The following BCKDHB variants were observed in gnomAD, a reference collection of about 807,000 sequenced individuals.
BCKDHB encodes branched chain keto acid dehydrogenase E1 subunit beta, also known as 2-oxoisovalerate dehydrogenase subunit beta, mitochondrial.
Under a neutral mutation model 48.5 loss-of-function variants are expected in BCKDHB, and 41 were observed. The observed-to-expected ratio is 0.85, with a 90% CI of 0.66 to 1.10. The LOEUF (loss-of-function observed/expected upper bound fraction) is 1.10, where lower values mean the gene tolerates loss of function less well. Among genes scored for constraint, BCKDHB ranks in the 50% least tolerant of loss-of-function variants. The pLI, the probability that BCKDHB is intolerant of heterozygous loss-of-function variation, is 0.00. For missense variants in BCKDHB, 496 were observed against 494.2 expected (o/e 1.00, Z -0.03); for synonymous variants, 201 against 174.8 (o/e 1.15, Z -1.18).
chr6:80,267,409 G>A (rs944776497), intron 8 of BCKDHB, among the ~76,000 whole-genome samples: 13 of 152,088 alleles, frequency 8.5e-5, no homozygotes, highest in Non-Finnish European at 1.3e-4. Context: ...ACAAGAAAAA[G>A]GAGGAAAGGT....
chr6:80,330,110 T>TA (rs59548870), intron 9 of BCKDHB, among the ~76,000 whole-genome samples: 11,147 of 148,602 alleles, frequency 0.075, 425 homozygotes, highest in East Asian at 0.11. Flanking sequence ...GGTGATCTTA[T>TA]AAAAAAAAAA....
intron 9 of BCKDHB, among the ~76,000 whole-genome samples, chr6:80,297,068 C>G (rs182293662): frequency 5.3e-4 from 81 of 152,180 alleles, no homozygotes; most frequent in Middle Eastern, 3.4e-3. Flanking sequence ...GGTGTGGAGT[C>G]TAGGACAATG....
intron 3 of BCKDHB, among the ~76,000 whole-genome samples, chr6:80,141,206 T>A (rs548507550): frequency 4.6e-5 from 7 of 152,148 alleles, no homozygotes; most frequent in Non-Finnish European, 1.0e-4. Flanking sequence ...TCTTCTTTAT[T>A]AGTCTTGCTA....
the BCKDHB span, among the ~76,000 whole-genome samples, chr6:80,388,228 T>A: frequency 6.6e-6 from 1 of 152,156 alleles, no homozygotes; most frequent in Non-Finnish European, 1.5e-5. Context: ...CAGGCTGCTG[T>A]GAAAGCTTCT....
the BCKDHB span, among the ~76,000 whole-genome samples, chr6:80,411,913 C>T: frequency 1.3e-5 from 2 of 152,308 alleles, no homozygotes; most frequent in East Asian, 3.9e-4. Flanking sequence ...TTCAACTTCC[C>T]GGGTGAGGTG....
Position 80,187,096 on chromosome 6 carries a change from C to G in BCKDHB, c.743-13838C>G, listed in dbSNP as rs137903896. Among the ~76,000 whole-genome samples, 261 of 152,296 alleles carry G rather than the reference C, an allele frequency of 1.7e-3. 1 individual carries two copies. Among genetic ancestry groups the G allele is most frequent in the African/African-American group, 6.0e-3 (251 of 41,580 alleles). On this transcript the variant is annotated intron_variant, in intron 6 of 9. Transcript: ENST00000320393. ...ACAGTGTGAGTCTCCACACACTGTT[C>G]TGTCTGTCCAAATGGGAGCTACATG... is the stretch of plus-strand genomic sequence containing the variant.
intron 9 of BCKDHB, among the ~76,000 whole-genome samples, chr6:80,279,301 C>G (rs1312042682): frequency 6.6e-6 from 1 of 151,940 alleles, no homozygotes; most frequent in Non-Finnish European, 1.5e-5. Flanking sequence ...TTACAGGTAC[C>G]TGCTGCCACG....
At chr6:80,257,783 G>A (rs1233794878) in intron 8 of BCKDHB, among the ~76,000 whole-genome samples, 2 of 152,200 alleles carry the variant, frequency 1.3e-5, no homozygotes, top group East Asian at 3.9e-4. Flanking sequence ...AAGGGCTGGA[G>A]CCTAGAGTTG....
At chr6:80,127,262 A>G (rs747532777) in intron 1 of BCKDHB, 2 of 367,184 alleles carry the variant, frequency 5.4e-6, no homozygotes, top group Non-Finnish European at 1.0e-5. Flanking sequence ...GACTTTCCAT[A>G]GGTCTTATTG....
intron 6 of BCKDHB, among the ~76,000 whole-genome samples, chr6:80,188,596 C>T (rs1161394471): frequency 1.3e-5 from 2 of 151,976 alleles, no homozygotes; most frequent in Admixed American, 1.3e-4. Flanking sequence ...GCCGAGATTG[C>T]ACCACTGCAC....
the BCKDHB span, among the ~76,000 whole-genome samples, chr6:80,381,145 A>G: frequency 3.8e-3 from 575 of 151,984 alleles, 7 homozygotes; most frequent in African/African-American, 0.013. Context: ...CCTTATTTGT[A>G]TGGCCTGTTT....
chr6:80,372,613 T>C, the BCKDHB span, among the ~76,000 whole-genome samples: 1 of 152,028 alleles, frequency 6.6e-6, no homozygotes, highest in Admixed American at 6.6e-5. Flanking sequence ...ATTTCCTCAA[T>C]GTGTGTCCCT....
chr6:80,170,706 C>T (rs950397384), intron 5 of BCKDHB, among the ~76,000 whole-genome samples: 2 of 152,080 alleles, frequency 1.3e-5, no homozygotes, highest in Admixed American at 6.6e-5. Context: ...GTCCTGGAGC[C>T]CTTTCCTGTG....
intron 9 of BCKDHB, among the ~76,000 whole-genome samples, chr6:80,319,962 T>A (rs1768634067): frequency 6.6e-6 from 1 of 152,210 alleles, no homozygotes; most frequent in South Asian, 2.1e-4. Context: ...AAATGTTACC[T>A]AATGTAAATA....
intron 1 of BCKDHB, chr6:80,127,149 A>G (rs1387475721): frequency 8.3e-6 from 2 of 241,712 alleles, no homozygotes; most frequent in East Asian, 2.0e-4. Flanking sequence ...CTGTTGACGT[A>G]TTTAGCACAT....
At chr6:80,391,997 T>C in the BCKDHB span, among the ~76,000 whole-genome samples, 7 of 152,136 alleles carry the variant, frequency 4.6e-5, no homozygotes, top group African/African-American at 1.7e-4. Flanking sequence ...ATTTTTATTA[T>C]TATTGTTATT....
chr6:80,111,795 G>T (rs145818217), intron 1 of BCKDHB, among the ~76,000 whole-genome samples: 38 of 152,254 alleles, frequency 2.5e-4, no homozygotes, highest in African/African-American at 8.2e-4. Context: ...GCAAACAAAT[G>T]AAAATTAGAA....
At chr6:80,416,051 T>C in the BCKDHB span, among the ~76,000 whole-genome samples, 1 of 152,002 alleles carries the variant, frequency 6.6e-6, no homozygotes, top group Non-Finnish European at 1.5e-5. Context: ...TTTTACAGTT[T>C]ATCTGCGTAG....
the BCKDHB span, among the ~76,000 whole-genome samples, chr6:80,396,088 G>T: frequency 1.3e-5 from 2 of 152,250 alleles, no homozygotes; most frequent in Non-Finnish European, 2.9e-5. Flanking sequence ...CCAGGGCAGT[G>T]CAGATGGGAA....
Sources: gnomAD v4.1 joint callset for allele counts (sites outside exome capture counted in the v4.1 genomes callset) on GRCh38, gnomAD v4.1.1 for gene constraint, MANE v1.5 for transcripts, NCBI Gene and HGNC (gene_info 2026-07-23, HGNC 2026-07-21) for gene names.